PRKN: variants seen among roughly 807,000 people sequenced by gnomAD.
The protein encoded by PRKN is E3 ubiquitin-protein ligase parkin.
A neutral mutation model predicts 59.5 loss-of-function variants in PRKN; 56 were observed. The observed-to-expected ratio is 0.94, with a 90% confidence interval of 0.76 to 1.18. The LOEUF is 1.18. Among genes scored for constraint, PRKN ranks in the 50% most tolerant of loss-of-function variants. PRKN has a pLI of 0.00. For synonymous variants in PRKN, 250 were observed against 222.1 expected, an observed-to-expected ratio of 1.13 and a Z score of -1.12; for missense variants, 657 against 596.4, an observed-to-expected ratio of 1.10 and a Z score of -1.06.
intron 6 of PRKN, among the ~76,000 whole-genome samples, chr6:161,824,303 T>C (rs1018395448): frequency 6.6e-6 from 1 of 152,210 alleles, no homozygotes; most frequent in Non-Finnish European, 1.5e-5. Flanking sequence ...AAGTCATAAG[T>C]GCAAGGTGCG....
Position 162,092,144 on chromosome 6 carries a change from C to T in PRKN, c.535-37970G>A, listed in dbSNP as rs144436442. On this transcript the variant is annotated intron_variant, in intron 4 of 11. Coordinates refer to ENST00000366898, the MANE Select transcript of PRKN (RefSeq NM_004562.3). Reference sequence around the variant, plus strand: ...CAGAGGCGGGCAGATCACCTGAGGTCAGGAGTTTGAGACCAGATTGCCAAC... The same window carrying T: ...CAGAGGCGGGCAGATCACCTGAGGTTAGGAGTTTGAGACCAGATTGCCAAC... 6.2e-3 allele frequency among the ~76,000 whole-genome samples: 951 copies of T among 152,184 alleles called. 13 individuals carry two copies. The highest frequency in any genetic ancestry group is 0.021 in the African/African-American group (880 of 41,518).
At position 162,470,002 on chromosome 6, in the gene PRKN, G is replaced by A. The variant is rs559130835; in HGVS notation, c.8-26529C>T. ...GTAAACCTGTTTTACACGATCCTAG[G>A]GCACAGGACTAGGAAACTACATGAG... On this transcript the variant is annotated intron_variant, in intron 1 of 11. Coordinates refer to ENST00000366898, the MANE Select transcript of PRKN (RefSeq NM_004562.3). Among the ~76,000 whole-genome samples, 13 of 152,218 alleles carry A rather than the reference G, an allele frequency of 8.5e-5. No individual in the cohort carries two copies. The East Asian group carries it at 1.4e-3, about 16-fold the overall frequency.
intron 1 of PRKN, among the ~76,000 whole-genome samples, chr6:162,474,717 G>A (rs1030923073): frequency 5.3e-5 from 8 of 152,136 alleles, no homozygotes; most frequent in Admixed American, 2.0e-4. Context: ...AACAGGTTTC[G>A]ATGGGAGATG....
In PRKN at chr6:161,760,007, T is replaced by C. The variant is rs112213156; in HGVS notation, c.871+25765A>G. Among the ~76,000 whole-genome samples the C allele has an allele frequency of 4.9e-3, 751 of 151,916 alleles. 9 individuals are homozygous for C. Among genetic ancestry groups the C allele is most frequent in the African/African-American group, 0.017 (707 of 41,406 alleles). ...CAACCGATTGAACCACAAATAATAC[T>C]TCTCAATCAAATGGCCTTTTATCTT... On this transcript the variant is annotated intron_variant, in intron 7 of 11. Coordinates refer to ENST00000366898, the MANE Select transcript of PRKN (RefSeq NM_004562.3).
At chr6:162,452,945 T>G (rs1475153510) in intron 1 of PRKN, among the ~76,000 whole-genome samples, 1 of 152,094 alleles carries the variant, frequency 6.6e-6, no homozygotes, top group Non-Finnish European at 1.5e-5. Context: ...ACAATATTAT[T>G]AATATCACAA....
chr6:161,610,492 T>TACACACAC (rs370179659), intron 7 of PRKN, among the ~76,000 whole-genome samples: 3,342 of 139,798 alleles, frequency 0.024, 142 homozygotes, highest in African/African-American at 0.083. Context: ...ATATTAATAA[T>TACACACAC]ACACACACAC....
intron 4 of PRKN, among the ~76,000 whole-genome samples, chr6:162,173,221 A>G (rs1266624039): frequency 2.0e-5 from 3 of 152,180 alleles, no homozygotes; most frequent in African/African-American, 7.2e-5. Flanking sequence ...ACTGACCTCT[A>G]GTGGCCTGTA....
chr6:161,643,845 A>G (rs568427167), intron 7 of PRKN, among the ~76,000 whole-genome samples: 25 of 152,248 alleles, frequency 1.6e-4, no homozygotes, highest in Non-Finnish European at 2.9e-4. Context: ...AATGACATTT[A>G]CAAAATTACT....
At chr6:161,804,558 T>A (rs1791228176) in intron 6 of PRKN, among the ~76,000 whole-genome samples, 1 of 152,194 alleles carries the variant, frequency 6.6e-6, no homozygotes, top group South Asian at 2.1e-4. Context: ...AAGGAGAAGG[T>A]AACTTGGAAG....
chr6:162,005,593 C>T (rs1419504824), intron 5 of PRKN, among the ~76,000 whole-genome samples: 1 of 151,678 alleles, frequency 6.6e-6, no homozygotes, highest in Non-Finnish European at 1.5e-5. Flanking sequence ...TATTTGTGTT[C>T]TTGCTTGAGT....
At position 162,469,359 on chromosome 6, in the gene PRKN, T is replaced by TGG. The variant is rs1562787805; in HGVS notation, c.8-25888_8-25887dup. Reference sequence around the variant, plus strand: ...AAAGTGGGGGGGTTGCAGGGGGGGGTGGGTGACAGAGGAAGTCATTCTACA... The same window carrying TGG: ...AAAGTGGGGGGGTTGCAGGGGGGGGTGGGGGTGACAGAGGAAGTCATTCTACA... On this transcript the variant is annotated intron_variant, in intron 1 of 11. Transcript: ENST00000366898. Among the ~76,000 whole-genome samples, 4 of 48,436 alleles carry TGG rather than the reference T, an allele frequency of 8.3e-5. 1 individual carries two copies. 31.8% of individuals were successfully genotyped at this position (48,436 alleles called of 152,430 possible). A position where few individuals can be genotyped will look rare whatever the true frequency, so the allele number is the denominator to read the frequency against.
chr6:161,982,936 A>G (rs1781312087), intron 5 of PRKN, among the ~76,000 whole-genome samples: 1 of 26,854 alleles, frequency 3.7e-5, no homozygotes, highest in Non-Finnish European at 6.1e-5. Context: ...GCTTCTGCAC[A>G]GCAAAAGAAA....
At chr6:162,238,649 T>G (rs1239367837) in intron 3 of PRKN, among the ~76,000 whole-genome samples, 1 of 152,210 alleles carries the variant, frequency 6.6e-6, no homozygotes, top group African/African-American at 2.4e-5. Context: ...ACCCACTACC[T>G]GGCTGACCCC....
rs894284634 is a variant in PRKN at position 161,560,532 on chromosome 6, G to A, written c.933+8823C>T. Among the ~76,000 whole-genome samples the A allele has an allele frequency of 1.4e-4, 22 of 152,066 alleles. No homozygotes were observed. The highest frequency in any genetic ancestry group is 3.1e-4 in the Non-Finnish European group (21 of 68,020). ...TGTTCTCACCTTTTCTCCGATTCTTGTCATCATTCTGGGGACTTGAACTCC... is the reference window on the plus strand; with the variant it reads ...TGTTCTCACCTTTTCTCCGATTCTTATCATCATTCTGGGGACTTGAACTCC... On this transcript the variant is annotated intron_variant, in intron 8 of 11. Coordinates refer to ENST00000366898, the MANE Select transcript of PRKN (RefSeq NM_004562.3). The surrounding 1 kb of genome is among the most constrained non-coding windows in gnomAD (Gnocchi z 4.9).
At chr6:162,667,943 T>G (rs1333560414) in intron 1 of PRKN, among the ~76,000 whole-genome samples, 1 of 152,152 alleles carries the variant, frequency 6.6e-6, no homozygotes, top group Non-Finnish European at 1.5e-5. Flanking sequence ...AATGTTAGGA[T>G]TTACATAGCA....
intron 6 of PRKN, among the ~76,000 whole-genome samples, chr6:161,863,095 G>C (rs1202544129): frequency 6.6e-6 from 1 of 152,192 alleles, no homozygotes; most frequent in Non-Finnish European, 1.5e-5. Context: ...AATTGAAAGA[G>C]AGGCTTGAGA....
At chr6:162,436,704 C>CTTTTTTTTTTT (rs1328857952) in intron 2 of PRKN, among the ~76,000 whole-genome samples, 2 of 152,120 alleles carry the variant, frequency 1.3e-5, no homozygotes, top group African/African-American at 4.8e-5. Context: ...GAACTATTTA[C>CTTTTTTTTTTT]TTTTGCTTAG....
intron 6 of PRKN, among the ~76,000 whole-genome samples, chr6:161,797,181 G>A (rs1230091842): frequency 2.0e-5 from 3 of 152,210 alleles, no homozygotes; most frequent in Non-Finnish European, 2.9e-5. Context: ...ATTGTGTACC[G>A]GTTTTTCATT....
At chr6:162,298,175 G>A (rs1260092101) in intron 2 of PRKN, among the ~76,000 whole-genome samples, 1 of 151,016 alleles carries the variant, frequency 6.6e-6, no homozygotes, top group Admixed American at 6.6e-5. Context: ...GGAGGGGAGA[G>A]AGAGAGAGAG....
Sources: allele counts gnomAD v4.1 joint callset (sites outside exome capture counted in the v4.1 genomes callset), GRCh38; gene constraint gnomAD v4.1.1; non-coding constraint Gnocchi (gnomAD v3.1); transcripts MANE v1.5; gene names NCBI Gene and HGNC (gene_info 2026-07-23, HGNC 2026-07-21).